Variants in WIPI1 observed in about 807,000 individuals in gnomAD.
WIPI1 encodes WD repeat domain, phosphoinositide interacting 1.
WIPI1 carries 45 observed loss-of-function variants against 55.3 expected under a neutral mutation model. The observed-to-expected ratio is 0.81, with a 90% confidence interval of 0.64 to 1.04. The LOEUF (loss-of-function observed/expected upper bound fraction) is 1.04. WIPI1 is among the 50% of genes least tolerant of loss of function. The pLI is 0.00. For synonymous variants in WIPI1, 195 were observed against 217.6 expected (o/e 0.90, Z 0.92); for missense variants, 445 against 559.0 (o/e 0.80, Z 2.06).
At chr17:68,443,861 G>C (rs544954563) in intron 4 of WIPI1, among the ~76,000 whole-genome samples, 1 of 152,126 alleles carries the variant, frequency 6.6e-6, no homozygotes, top group Non-Finnish European at 1.5e-5. Flanking sequence ...ACACAATGAA[G>C]GAATTCTTTC....
At chr17:68,444,833 T>A (rs2084215910) in intron 3 of WIPI1, among the ~76,000 whole-genome samples, 2 of 151,936 alleles carry the variant, frequency 1.3e-5, no homozygotes, top group Non-Finnish European at 2.9e-5. Context: ...TGTTTTTACT[T>A]CTCTCCTTCC....
At chr17:68,449,994 G>T (rs1342409240) in intron 3 of WIPI1, among the ~76,000 whole-genome samples, 1 of 152,148 alleles carries the variant, frequency 6.6e-6, no homozygotes, top group Non-Finnish European at 1.5e-5. Context: ...CTGGGCAATA[G>T]GGCAAGACCC....
At chr17:68,426,251 G>GGGGGGGGGGGGGGT in intron 11 of WIPI1, 76 bp from the exon 12 acceptor site, 1 of 825,460 alleles carries the variant, frequency 1.2e-6, no homozygotes, top group Non-Finnish European at 1.9e-6. Flanking sequence ...GTGGGGAGCG[G>GGGGGGGGGGGGGGT]GGGCTCAAAT....
At chr17:68,451,957 A>C (rs2084516355) in intron 2 of WIPI1, among the ~76,000 whole-genome samples, 1 of 152,202 alleles carries the variant, frequency 6.6e-6, no homozygotes, top group Non-Finnish European at 1.5e-5. Context: ...TAGAGCAAAA[A>C]ATTCACAAAA....
At chr17:68,429,786 A>C (rs2083427841) in intron 9 of WIPI1, among the ~76,000 whole-genome samples, 1 of 152,074 alleles carries the variant, frequency 6.6e-6, no homozygotes, top group African/African-American at 2.4e-5. Context: ...ACGGGATTTC[A>C]CCACGTTGGC....
At chr17:68,438,308 C>T (rs1200391472) in intron 4 of WIPI1, among the ~76,000 whole-genome samples, 3 of 152,222 alleles carry the variant, frequency 2.0e-5, no homozygotes, top group Non-Finnish European at 4.4e-5. Context: ...AGAGGCCACT[C>T]GTCCATTTCC....
At chr17:68,448,949 T>G (rs1032426441) in intron 3 of WIPI1, among the ~76,000 whole-genome samples, 2 of 152,192 alleles carry the variant, frequency 1.3e-5, no homozygotes, top group African/African-American at 4.8e-5. Flanking sequence ...AGGTCCCACT[T>G]CTCTTTCTCC....
intron 4 of WIPI1, among the ~76,000 whole-genome samples, chr17:68,437,038 A>ATG (rs2083842410): frequency 1.7e-5 from 2 of 119,186 alleles, no homozygotes; most frequent in Non-Finnish European, 3.7e-5. Context: ...GTGTGTGTGT[A>ATG]TATATTGCTC....
intron 4 of WIPI1, among the ~76,000 whole-genome samples, chr17:68,439,645 A>G (rs939074984): frequency 2.0e-5 from 3 of 152,180 alleles, no homozygotes; most frequent in East Asian, 3.8e-4. Flanking sequence ...CTCAAAAAAG[A>G]TTTTCAAATT....
chr17:68,422,294 G>T (rs963871014), intron 12 of WIPI1: 3 of 162,906 alleles, frequency 1.8e-5, no homozygotes, highest in Non-Finnish European at 4.1e-5. Context: ...GGGCATGGTG[G>T]CGCTCACCTG....
chr17:68,438,030 G>GA (rs2083904879), intron 4 of WIPI1, among the ~76,000 whole-genome samples: 1 of 142,456 alleles, frequency 7.0e-6, no homozygotes. Context: ...AAAAGTATAA[G>GA]AAAAAACTTT....
chr17:68,431,095 C>T (rs951905646), intron 8 of WIPI1, among the ~76,000 whole-genome samples: 12 of 152,106 alleles, frequency 7.9e-5, no homozygotes, highest in South Asian at 2.1e-4. Context: ...CCCTGTGCTC[C>T]GGGCTGGGGT....
chr17:68,449,496 G>A (rs1420160484), intron 3 of WIPI1, among the ~76,000 whole-genome samples: 3 of 152,148 alleles, frequency 2.0e-5, no homozygotes, highest in Non-Finnish European at 4.4e-5. Flanking sequence ...ATCTCATGTC[G>A]AATTGTAATC....
Position 68,428,932 on chromosome 17 carries a change from G to C in WIPI1, c.970C>G (p.Gln324Glu). ...QRNICTLSTI[Q>E]KLPRLLVASS... is the part of the protein sequence containing the mutation. ...GCAACTAGCAGCCGTGGCAACTTCT[G>C]GATCCTAAGGGCCAAGGAAAACATA... The change falls in exon 10 of 13, where the codon CAG (glutamine) becomes GAG (glutamate). Residue 324 changes from glutamine (Q) to glutamate (E), a missense_variant. Gln to Glu is a conservative substitution (Grantham distance 29). Transcript: ENST00000262139. The C allele has an allele frequency of 6.2e-7, 1 of 1,612,858 alleles. No individual in the cohort carries two copies. The highest frequency in any genetic ancestry group is 8.5e-7 in the Non-Finnish European group (1 of 1,179,170).
chr17:68,438,703 C>T (rs1324408273), intron 4 of WIPI1, among the ~76,000 whole-genome samples: 3 of 152,200 alleles, frequency 2.0e-5, no homozygotes, highest in Admixed American at 6.5e-5. Context: ...TTGGTTCAAG[C>T]GATTCTCCTG....
chr17:68,441,589 G>A (rs2084079727), intron 4 of WIPI1, among the ~76,000 whole-genome samples: 1 of 152,202 alleles, frequency 6.6e-6, no homozygotes, highest in Non-Finnish European at 1.5e-5. Context: ...GTTCCCGAGT[G>A]AGGACCTGGT....
chr17:68,435,819 C>T, intron 5 of WIPI1, 107 bp from the exon 6 acceptor site: 1 of 969,640 alleles, frequency 1.0e-6, no homozygotes, highest in Non-Finnish European at 1.6e-6. Context: ...TGTCCAGCTC[C>T]CTGTCTCTTC....
chr17:68,456,458 A>C (rs1001527607), intron 1 of WIPI1, among the ~76,000 whole-genome samples: 1 of 152,034 alleles, frequency 6.6e-6, no homozygotes, highest in Admixed American at 6.6e-5. Context: ...TTCCAAAAAG[A>C]TGATTCCATA....
intron 11 of WIPI1, among the ~76,000 whole-genome samples, chr17:68,426,869 C>A (rs1476572773): frequency 1.3e-5 from 2 of 152,174 alleles, no homozygotes; most frequent in Non-Finnish European, 2.9e-5. Flanking sequence ...AGGGTTAACA[C>A]CACTTGTTAG....
Sources: gnomAD v4.1 joint callset for allele counts (sites outside exome capture counted in the v4.1 genomes callset) on GRCh38, gnomAD v4.1.1 for gene constraint, MANE v1.5 for transcripts, NCBI Gene and HGNC (gene_info 2026-07-23, HGNC 2026-07-21) for gene names.